The following TESK2 variants were observed in gnomAD, a reference collection of about 807,000 sequenced individuals.
The protein encoded by TESK2 is testis associated actin remodelling kinase 2, also known as dual specificity testis-specific protein kinase 2.
TESK2 carries 39 observed loss-of-function variants against 57.1 expected under a neutral mutation model. That is an observed-to-expected ratio of 0.68 (90% CI 0.53 to 0.89). The LOEUF (loss-of-function observed/expected upper bound fraction) is 0.89, where lower values mean the gene tolerates loss of function less well. TESK2 is among the 40% of genes least tolerant of loss of function. The probability of loss-of-function intolerance (pLI) is 0.00; values close to 1 mark genes in which losing one functional copy is unlikely to be tolerated. For missense variants in TESK2, 646 were observed against 732.1 expected (o/e 0.88, Z 1.36); for synonymous variants, 249 against 267.9 (o/e 0.93, Z 0.69).
chr1:45,355,557 TAA>T (rs1647385236), intron 4 of TESK2, 108 bp from the exon 5 acceptor site: 1 of 1,304,990 alleles, frequency 7.7e-7, no homozygotes, highest in Non-Finnish European at 1.0e-6. Flanking sequence ...ATTTTTTTTT[TAA>T]GTTACTGAGG....
intron 2 of TESK2, among the ~76,000 whole-genome samples, chr1:45,423,313 T>C (rs918997510): frequency 6.6e-6 from 1 of 152,162 alleles, no homozygotes; most frequent in Non-Finnish European, 1.5e-5. Flanking sequence ...ATCCCAGGAC[T>C]TTGGGAGACC....
At chr1:45,432,758 CTTTTTTT>C (rs1300292630) in intron 2 of TESK2, among the ~76,000 whole-genome samples, 5 of 87,666 alleles carry the variant, frequency 5.7e-5, no homozygotes, top group Admixed American at 1.7e-4. Context: ...AATATTATAA[CTTTTTTT>C]TTTTTTTTTT....
At chr1:45,400,838 A>T (rs930931506) in intron 3 of TESK2, among the ~76,000 whole-genome samples, 6 of 149,252 alleles carry the variant, frequency 4.0e-5, no homozygotes, top group Non-Finnish European at 8.9e-5. Context: ...CCTGGCCAAC[A>T]TGATGAAACC....
rs1302053369 is a variant in TESK2, at chr1:45,385,937, T to G, written c.368A>C (p.Gln123Pro). 6.2e-7 allele frequency: 1 copy of G among 1,608,158 alleles called. No individual in the cohort carries two copies. Among genetic ancestry groups the G allele is most frequent in the Non-Finnish European group, 8.5e-7 (1 of 1,176,822 alleles). ...CTCTGTAAGTGCATGCAATTGTCCT[T>G]GATGAACACATACACCCATGAACCT... ...ILRFMGVCVH[Q>P]GQLHALTEYI... Residue 123 changes from glutamine (Q) to proline (P), a missense_variant, in exon 4 of 11, where the codon CAA becomes CCA. Coordinates refer to ENST00000372086, the MANE Select transcript of TESK2 (RefSeq NM_007170.3).
chr1:45,476,934 C>A (rs554841536), intron 1 of TESK2, among the ~76,000 whole-genome samples: 22 of 151,692 alleles, frequency 1.5e-4, no homozygotes, highest in African/African-American at 5.3e-4. Context: ...CCCTTGAGCC[C>A]AGGATTACAG....
chr1:45,379,795 C>T (rs1483838975), intron 4 of TESK2, among the ~76,000 whole-genome samples: 3 of 152,146 alleles, frequency 2.0e-5, no homozygotes, highest in South Asian at 2.1e-4. Flanking sequence ...GTAAAAAGAC[C>T]GAATCACCTC....
rs756543195 is a variant in TESK2 at position 45,457,660 on chromosome 1, C to G, written c.126G>C (p.Ser42=). The part of the protein sequence containing the change: ...VSQVGRVWPS[S]YRALISAFSR... The stretch of plus-strand genomic sequence containing the variant: ...AAAAGGCACTTATAAGAGCTCGATA[C>G]GAAGATGGCCAAACTCTTCCCACCT... The change falls in exon 2 of 11, where the codon TCG becomes TCC. Residue 42 remains serine (S), a synonymous_variant. Transcript: ENST00000372086. The G allele has an allele frequency of 1.2e-6, 2 of 1,614,130 alleles. No individual in the cohort carries two copies. Among genetic ancestry groups the G allele is most frequent in the East Asian group, 2.2e-5 (1 of 44,884 alleles).
rs574826620 is a variant in TESK2, at chr1:45,471,099, C to T, written c.-86-13228G>A. ...TACAAAAATTAGTCAGGCATGGTGA[C>T]GTGCACCTATAGTCCCAGCTACTCA... On this transcript the variant is annotated intron_variant, in intron 1 of 10. Coordinates refer to ENST00000372086, the MANE Select transcript of TESK2 (RefSeq NM_007170.3). Among the ~76,000 whole-genome samples the T allele has an allele frequency of 4.6e-5, 7 of 152,122 alleles. No homozygotes were observed. The South Asian group carries it at 8.3e-4, about 18-fold the overall frequency.
chr1:45,479,434 ATT>A (rs966587495), intron 1 of TESK2, among the ~76,000 whole-genome samples: 19 of 147,168 alleles, frequency 1.3e-4, no homozygotes, highest in African/African-American at 4.0e-4. Context: ...GAAAAAAAAA[ATT>A]TTTTTTTTTT....
chr1:45,400,224 G>A (rs1649543358), intron 3 of TESK2, among the ~76,000 whole-genome samples: 1 of 152,146 alleles, frequency 6.6e-6, no homozygotes, highest in Admixed American at 6.6e-5. Flanking sequence ...ATGTGAGAAA[G>A]ACTCATTGCT....
At chr1:45,426,156 G>GA (rs372553058) in intron 2 of TESK2, among the ~76,000 whole-genome samples, 2 of 151,564 alleles carry the variant, frequency 1.3e-5, no homozygotes, top group African/African-American at 2.4e-5. Flanking sequence ...TGTCTCAAAA[G>GA]AAAAAAAGAA....
chr1:45,475,063 C>CAAAAAAAAAAAAAAAAAA, intron 1 of TESK2, among the ~76,000 whole-genome samples: 1 of 87,434 alleles, frequency 1.1e-5, no homozygotes, highest in Non-Finnish European at 2.5e-5. Flanking sequence ...GACTCTATCT[C>CAAAAAAAAAAAAAAAAAA]AAAAAAAAAA....
At chr1:45,422,470 G>T (rs960894386) in intron 2 of TESK2, among the ~76,000 whole-genome samples, 16 of 152,082 alleles carry the variant, frequency 1.1e-4, no homozygotes, top group African/African-American at 3.9e-4. Context: ...TTGAGACAGG[G>T]TCTCACTGTG....
chr1:45,447,529 A>C (rs1418941431), intron 2 of TESK2, among the ~76,000 whole-genome samples: 1 of 152,014 alleles, frequency 6.6e-6, no homozygotes, highest in African/African-American at 2.4e-5. Context: ...ACAGTGCCTT[A>C]TTCTGGAATA....
chr1:45,362,158 C>T (rs1046283255), intron 4 of TESK2, among the ~76,000 whole-genome samples: 3 of 152,124 alleles, frequency 2.0e-5, no homozygotes, highest in Non-Finnish European at 4.4e-5. Context: ...CTTAGATTGC[C>T]CAGCCTCCAG....
intron 3 of TESK2, among the ~76,000 whole-genome samples, chr1:45,386,464 A>C (rs903973054): frequency 9.9e-5 from 15 of 151,622 alleles, no homozygotes; most frequent in Non-Finnish European, 2.1e-4. Context: ...GAAAGGAAGA[A>C]AGAACCTGTG....
chr1:45,386,663 C>CTTTTTTTTTTTTTTTTTTTTTTTTTTT (rs1314196507), intron 3 of TESK2, among the ~76,000 whole-genome samples: 1 of 150,364 alleles, frequency 6.7e-6, no homozygotes, highest in African/African-American at 2.4e-5. Flanking sequence ...GGTTTTGTTG[C>CTTTTTTTTTTTTTTTTTTTTTTTTTTT]TTTTTTTTTG....
intron 4 of TESK2, among the ~76,000 whole-genome samples, chr1:45,369,092 G>A (rs1648070939): frequency 6.6e-6 from 1 of 152,120 alleles, no homozygotes; most frequent in African/African-American, 2.4e-5. Context: ...TATTCAACTA[G>A]TAAATAGTAC....
chr1:45,369,324 C>T (rs554154107), intron 4 of TESK2, among the ~76,000 whole-genome samples: 23 of 152,038 alleles, frequency 1.5e-4, no homozygotes, highest in African/African-American at 5.3e-4. Flanking sequence ...CATTGTGAAA[C>T]CCCGTCTCTA....
Sources: allele counts gnomAD v4.1 joint callset (sites outside exome capture counted in the v4.1 genomes callset), GRCh38; gene constraint gnomAD v4.1.1; transcripts MANE v1.5; gene names NCBI Gene and HGNC (gene_info 2026-07-23, HGNC 2026-07-21).